The following WDR72 variants were observed in gnomAD, a reference collection of about 807,000 sequenced individuals.
WDR72 encodes WD repeat domain 72, also known as WD repeat-containing protein 72.
Under a neutral mutation model 124.2 loss-of-function variants are expected in WDR72, and 120 were observed. The ratio of observed to expected loss-of-function variants is 0.97; its 90% CI spans 0.83 to 1.12. The LOEUF (loss-of-function observed/expected upper bound fraction) is 1.12, where lower values mean the gene tolerates loss of function less well. Among genes scored for constraint, WDR72 ranks in the 50% most tolerant of loss-of-function variants. The pLI is 0.00. For missense variants in WDR72, 1,387 were observed against 1,278.8 expected (o/e 1.08, Z -1.29); for synonymous variants, 452 against 441.7 (o/e 1.02, Z -0.29).
intron 17 of WDR72, among the ~76,000 whole-genome samples, chr15:53,608,291 GGATA>G (rs1316090716): frequency 6.6e-6 from 1 of 152,016 alleles, no homozygotes; most frequent in African/African-American, 2.4e-5. Flanking sequence ...ACAGATAAAT[GGATA>G]AAGAAAACAT....
intron 18 of WDR72, among the ~76,000 whole-genome samples, chr15:53,554,457 T>A (rs1053447545): frequency 1.3e-5 from 2 of 152,196 alleles, no homozygotes; most frequent in African/African-American, 4.8e-5. Context: ...GTTTCAAGCC[T>A]GTTCAATTTG....
chr15:53,730,381 C>T (rs1357028943), intron 2 of WDR72, among the ~76,000 whole-genome samples: 2 of 152,178 alleles, frequency 1.3e-5, no homozygotes, highest in African/African-American at 4.8e-5. Flanking sequence ...GTCTCCCATA[C>T]TGGACTCCGA....
intron 1 of WDR72, among the ~76,000 whole-genome samples, chr15:53,736,998 AACAC>A (rs67659814): frequency 0.063 from 8,867 of 141,078 alleles, 355 homozygotes; most frequent in African/African-American, 0.12. Context: ...GTAGATGTAA[AACAC>A]ACACACACAC....
chr15:53,552,737 C>A (rs578210530), intron 18 of WDR72, among the ~76,000 whole-genome samples: 1 of 152,260 alleles, frequency 6.6e-6, no homozygotes, highest in South Asian at 2.1e-4. Flanking sequence ...TGCTTCCAAA[C>A]ATCCTCTGAC....
chr15:53,711,163 G>A (rs757858847), intron 8 of WDR72, 173 bp downstream of exon 8: 212 of 962,220 alleles, frequency 2.2e-4, no homozygotes, highest in Admixed American at 4.2e-4. Context: ...TCCATCCCCT[G>A]CTGTTTTGTA....
intron 14 of WDR72, among the ~76,000 whole-genome samples, chr15:53,629,478 G>GA (rs148267435): frequency 6.1e-5 from 9 of 148,728 alleles, no homozygotes; most frequent in African/African-American, 2.2e-4. Flanking sequence ...AGTTATGGAA[G>GA]AAAAAAAAAG....
At chr15:53,714,179 T>TTC (rs1310219462) in intron 6 of WDR72, among the ~76,000 whole-genome samples, 1 of 33,768 alleles carries the variant, frequency 3.0e-5, no homozygotes, top group African/African-American at 5.7e-5. Context: ...AATGTAATCT[T>TTC]TCTGTGTGTG....
chr15:53,570,514 C>A (rs950930061), intron 18 of WDR72, among the ~76,000 whole-genome samples: 1 of 151,960 alleles, frequency 6.6e-6, no homozygotes, highest in African/African-American at 2.4e-5. Flanking sequence ...ATCAGAGATG[C>A]AAATCAAAGC....
intron 19 of WDR72, among the ~76,000 whole-genome samples, chr15:53,518,865 T>C (rs1211318037): frequency 6.6e-6 from 1 of 152,056 alleles, no homozygotes; most frequent in African/African-American, 2.4e-5. Context: ...AAATGTAATA[T>C]TGATTGACAA....
At chr15:53,732,883 A>G in intron 2 of WDR72, 114 bp downstream of exon 2, 2 of 1,283,760 alleles carry the variant, frequency 1.6e-6, no homozygotes, top group Non-Finnish European at 2.2e-6. Context: ...TATTACTTTA[A>G]TAAACATCTT....
intron 13 of WDR72, chr15:53,684,577 T>G (rs1028106007): frequency 1.3e-5 from 2 of 158,974 alleles, no homozygotes; most frequent in African/African-American, 4.8e-5. Flanking sequence ...GGAGTCTCGC[T>G]GATTGCTAGC....
chr15:53,536,193 C>G, intron 18 of WDR72, among the ~76,000 whole-genome samples: 1 of 152,076 alleles, frequency 6.6e-6, no homozygotes, highest in East Asian at 1.9e-4. Flanking sequence ...GAGCCACCCC[C>G]TTTTTCCTTT....
At chr15:53,693,222 G>A (rs1416074546) in intron 13 of WDR72, among the ~76,000 whole-genome samples, 2 of 152,146 alleles carry the variant, frequency 1.3e-5, no homozygotes, top group Admixed American at 1.3e-4. Context: ...TTATATGTAT[G>A]GGAATAGTAG....
At chr15:53,747,183 G>A (rs548656679) in intron 1 of WDR72, among the ~76,000 whole-genome samples, 1 of 152,164 alleles carries the variant, frequency 6.6e-6, no homozygotes, top group Non-Finnish European at 1.5e-5. Flanking sequence ...AAATCTATTT[G>A]AAAATGCTCC....
chr15:53,626,796 C>A (rs2014229237), intron 14 of WDR72, among the ~76,000 whole-genome samples: 1 of 152,184 alleles, frequency 6.6e-6, no homozygotes, highest in African/African-American at 2.4e-5. Context: ...GAAGTGGTCA[C>A]CATCCCAGCT....
At chr15:53,717,700 A>C (rs8028193) in intron 3 of WDR72, among the ~76,000 whole-genome samples, 6,634 of 152,216 alleles carry the variant, frequency 0.044, 399 homozygotes, top group African/African-American at 0.13. Flanking sequence ...ATGCTGCCAA[A>C]TATCCTACAA....
chr15:53,561,245 T>A (rs1388059298), intron 18 of WDR72, among the ~76,000 whole-genome samples: 1 of 151,840 alleles, frequency 6.6e-6, no homozygotes, highest in Non-Finnish European at 1.5e-5. Context: ...TAAGACCTAG[T>A]ATTAGTTCTC....
rs11272007 is a variant in WDR72 at position 53,713,411 on chromosome 15, GTATTT to G, written c.592-525_592-521del. ...GTATTTTATTTTATTTTATTTTGTT[GTATTT>G]TATTTTATTTTATTTTATTTTATTT... On this transcript the variant is annotated intron_variant, in intron 6 of 19. Transcript: ENST00000360509. 2.0e-4 allele frequency among the ~76,000 whole-genome samples: 18 copies of G among 88,690 alleles called. 1 individual carries two copies. The highest frequency in any genetic ancestry group is 3.8e-4 in the South Asian group (1 of 2,620). 58.2% of individuals were successfully genotyped at this position (88,690 alleles called of 152,430 possible). A position where few individuals can be genotyped will look rare whatever the true frequency, so the allele number is the denominator to read the frequency against.
In WDR72 at chr15:53,514,496, T is replaced by C. The variant is rs1168470038; in HGVS notation, c.*3203A>G. On this transcript the variant is annotated 3_prime_UTR_variant, in exon 20 of 20. Coordinates refer to ENST00000360509, the MANE Select transcript of WDR72 (RefSeq NM_182758.4). ...TCTAAAGTGTTCATTATAATAATTATGAAAGGATTTTAAAAATACAGAACA... is the reference window on the plus strand; with the variant it reads ...TCTAAAGTGTTCATTATAATAATTACGAAAGGATTTTAAAAATACAGAACA... The C allele has an allele frequency of 6.6e-6, 1 of 152,042 alleles. No homozygotes were observed. Among genetic ancestry groups the C allele is most frequent in the East Asian group, 1.9e-4 (1 of 5,184 alleles). 9.4% of individuals were successfully genotyped at this position (152,042 alleles called of 1,614,324 possible).
Sources: allele counts gnomAD v4.1 joint callset (sites outside exome capture counted in the v4.1 genomes callset), GRCh38; gene constraint gnomAD v4.1.1; transcripts MANE v1.5; gene names NCBI Gene and HGNC (gene_info 2026-07-23, HGNC 2026-07-21).